The following BRI3 variants were observed in gnomAD, a reference collection of about 807,000 sequenced individuals.
BRI3 encodes membrane protein BRI3.
A neutral mutation model predicts 12.8 loss-of-function variants in BRI3; 6 were observed. The ratio of observed to expected loss-of-function variants is 0.47; its 90% CI spans 0.26 to 0.93. The LOEUF is 0.93. Ranked by LOEUF, BRI3 falls within the 40% of genes least tolerant of loss-of-function variation. The pLI, the probability that BRI3 is intolerant of heterozygous loss-of-function variation, is 0.15. For missense variants in BRI3, 134 were observed against 171.1 expected, an observed-to-expected ratio of 0.78 and a Z score of 1.21; for synonymous variants, 91 against 76.1, an observed-to-expected ratio of 1.20 and a Z score of -1.02.
downstream of BRI3, among the ~76,000 whole-genome samples, chr7:98,314,637 T>C (rs1801004008): frequency 6.6e-6 from 1 of 152,068 alleles, no homozygotes; most frequent in Non-Finnish European, 1.5e-5. Flanking sequence ...CAGGAACCAA[T>C]ACCACCAAGA....
At chr7:98,294,120 A>C (rs1472821848), downstream of BRI3, 2 of 1,613,750 alleles carry the variant, frequency 1.2e-6, no homozygotes, top group Non-Finnish European at 8.5e-7. Context: ...TTCTGTGAGA[A>C]AGATAAAGAA....
upstream of BRI3, among the ~76,000 whole-genome samples, chr7:98,304,838 TGG>T (rs1562965965): frequency 2.0e-5 from 3 of 151,000 alleles, no homozygotes; most frequent in Non-Finnish European, 4.4e-5. Context: ...ATGTTTTTAG[TGG>T]TTTCTAAACA....
chr7:98,309,328 T>C (rs901671856), exon 2 of BRI3: 3 of 152,160 alleles, frequency 2.0e-5, no homozygotes, highest in African/African-American at 4.8e-5. Flanking sequence ...CTAATTTTTG[T>C]ATTTTTAGTA....
Position 98,307,945 on chromosome 7 carries a change from A to G in BRI3, n.575A>G, listed in dbSNP as rs1364385975. The G allele has an allele frequency of 3.2e-6, 5 of 1,571,100 alleles. No individual in the cohort carries two copies. In the South Asian group the frequency reaches 3.3e-5, roughly 10 times the overall value. ...ATGGCTTTTCAAAGCATGAGAATCA[A>G]TAGGCACATTCCAATGAGCAAACCC... On this transcript the variant is annotated non_coding_transcript_exon_variant, in exon 2 of 2. Coordinates refer to the BRI3 transcript ENST00000485422.
intron 2 of BRI3, 132 bp from the exon 3 acceptor site, chr7:98,290,979 T>C: frequency 1.9e-6 from 2 of 1,063,392 alleles, no homozygotes; most frequent in Admixed American, 4.3e-5. Flanking sequence ...GGGGCTGTTT[T>C]CTGTCACTCG....
rs1423206354 is a variant in BRI3 at position 98,291,298 on chromosome 7, G to A, written c.*55G>A. ...CCAGCTCTCTTTTTCTAATGTAAATGTTGTGTACAATAATTTTATTTGATT... is the reference window on the plus strand; with the variant it reads ...CCAGCTCTCTTTTTCTAATGTAAATATTGTGTACAATAATTTTATTTGATT... On this transcript the variant is annotated 3_prime_UTR_variant, in exon 3 of 3. Transcript: ENST00000297290. 6.2e-7 allele frequency: 1 copy of A among 1,607,880 alleles called. No homozygotes were observed. Among genetic ancestry groups the A allele is most frequent in the African/African-American group, 1.3e-5 (1 of 74,554 alleles).
intron 1 of BRI3, among the ~76,000 whole-genome samples, chr7:98,301,105 C>T (rs1009304284): frequency 1.3e-5 from 2 of 152,198 alleles, no homozygotes; most frequent in African/African-American, 2.4e-5. Flanking sequence ...GGTCTCATCT[C>T]TGTCCACAAA....
At position 98,282,023 on chromosome 7, in the gene BRI3, C is replaced by T. The variant is rs933650900; in HGVS notation, c.142+86C>T. ...ACGTGGGTCCGGAGGCGGGTGGGGC[C>T]CGCCCGGGGGTCCTTCCTGGAGCTG... On this transcript the variant is annotated intron_variant, in intron 1 of 2. Transcript: ENST00000297290. 9.2e-6 allele frequency: 12 copies of T among 1,304,570 alleles called. No homozygotes were observed. In the African/African-American group the frequency reaches 1.6e-4, roughly 17 times the overall value. The allele number at this position is 1,304,570 out of a possible 1,614,324, so 80.8% of individuals were successfully genotyped here.
Position 98,291,416 on chromosome 7 carries a change from C to T in BRI3, c.*173C>T, listed in dbSNP as rs941501643. 119 of 1,439,618 alleles carry T rather than the reference C, an allele frequency of 8.3e-5. No individual in the cohort carries two copies. Among genetic ancestry groups the T allele is most frequent in the Non-Finnish European group, 1.0e-4 (115 of 1,097,396 alleles). 89.2% of individuals were successfully genotyped at this position (1,439,618 alleles called of 1,614,324 possible). On this transcript the variant is annotated 3_prime_UTR_variant, in exon 3 of 3. Coordinates refer to ENST00000297290, the MANE Select transcript of BRI3 (RefSeq NM_015379.5). The stretch of plus-strand genomic sequence containing the variant: ...AGCGTGGAGAGGCAGTGCTGCTGCT[C>T]CCGCCCGAGGCTCATGACAACTCAA...
chr7:98,316,288 C>T, the BRI3 span, among the ~76,000 whole-genome samples: 21 of 152,002 alleles, frequency 1.4e-4, no homozygotes, highest in Non-Finnish European at 2.4e-4. Flanking sequence ...TTGTAAATTG[C>T]CCAGTCTCGG....
At chr7:98,304,396 C>A (rs769884550), upstream of BRI3, 3 of 1,612,996 alleles carry the variant, frequency 1.9e-6, no homozygotes, top group South Asian at 3.3e-5. Flanking sequence ...AAAAAGGACA[C>A]AGCACGTGTT....
chr7:98,288,788 A>G (rs111773842), intron 2 of BRI3, among the ~76,000 whole-genome samples: 2 of 150,562 alleles, frequency 1.3e-5, no homozygotes, highest in Admixed American at 6.6e-5. Context: ...TTTTGTAGGG[A>G]GGGGTCTTTG....
At chr7:98,312,319 G>A, downstream of BRI3, 2 of 1,529,966 alleles carry the variant, frequency 1.3e-6, no homozygotes, top group Non-Finnish European at 1.8e-6. Flanking sequence ...GAAGAGCTGA[G>A]AAAAATGACA....
chr7:98,304,159 T>C, upstream of BRI3: 1 of 1,523,472 alleles, frequency 6.6e-7, no homozygotes, highest in Non-Finnish European at 8.8e-7. Flanking sequence ...GGATGGCGAG[T>C]CCAGGACCCA....
the BRI3 span, among the ~76,000 whole-genome samples, chr7:98,319,672 G>A: frequency 1.3e-5 from 2 of 150,580 alleles, no homozygotes; most frequent in South Asian, 2.1e-4. Context: ...TCATCCTCCC[G>A]AGTAGCTGGG....
upstream of BRI3, among the ~76,000 whole-genome samples, chr7:98,303,300 G>C (rs1342479258): frequency 6.6e-6 from 1 of 152,120 alleles, no homozygotes; most frequent in Non-Finnish European, 1.5e-5. Flanking sequence ...CCGGACACAA[G>C]GTATAGGGGC....
At chr7:98,305,288 A>G (rs1800611301), upstream of BRI3, among the ~76,000 whole-genome samples, 1 of 151,462 alleles carries the variant, frequency 6.6e-6, no homozygotes, top group Non-Finnish European at 1.5e-5. Flanking sequence ...ATTGGAGACT[A>G]GCAAAAGCTG....
intron 2 of BRI3, among the ~76,000 whole-genome samples, chr7:98,283,624 A>G (rs1799610389): frequency 6.6e-6 from 1 of 152,012 alleles, no homozygotes; most frequent in African/African-American, 2.4e-5. Context: ...GAGCTGTGTG[A>G]GTGTGAAGGC....
rs749321421 is a variant in BRI3, at chr7:98,291,268, T to C, written c.*25T>C. The C allele has an allele frequency of 1.2e-6, 2 of 1,611,998 alleles. No individual in the cohort carries two copies. The highest frequency in any genetic ancestry group is 1.7e-6 in the Non-Finnish European group (2 of 1,179,754). On this transcript the variant is annotated 3_prime_UTR_variant, in exon 3 of 3. Transcript: ENST00000297290. ...AAGGGAACACCAGGCCCGGCTTTCC[T>C]ACACCCAGCTCTCTTTTTCTAATGT...
Sources: gnomAD v4.1 joint callset for allele counts (sites outside exome capture counted in the v4.1 genomes callset) on GRCh38, gnomAD v4.1.1 for gene constraint, MANE v1.5 for transcripts, NCBI Gene and HGNC (gene_info 2026-07-23, HGNC 2026-07-21) for gene names.